Variants in GPC3 observed in about 807,000 individuals in gnomAD.
GPC3 encodes glypican 3.
Under a neutral mutation model 34.4 loss-of-function variants are expected in GPC3, and 3 were observed. The ratio of observed to expected loss-of-function variants is 0.09; its 90% CI spans 0.04 to 0.23. The LOEUF (loss-of-function observed/expected upper bound fraction) is 0.23, where lower values mean the gene tolerates loss of function less well. Ranked by LOEUF, GPC3 falls within the 10% of genes least tolerant of loss-of-function variation. The pLI, the probability that GPC3 is intolerant of heterozygous loss-of-function variation, is 1.00. For synonymous variants in GPC3, 177 were observed against 174.0 expected (o/e 1.02, Z -0.13); for missense variants, 351 against 445.6 (o/e 0.79, Z 1.91).
At chrX:133,746,361 C>T (rs1392930719) in intron 3 of GPC3, among the ~76,000 whole-genome samples, 4 of 112,157 alleles carry the variant, frequency 3.6e-5, no homozygotes, top group Non-Finnish European at 7.5e-5. Flanking sequence ...AAGGCAAGGG[C>T]AAGCAATTCT....
chrX:133,801,256 T>A (rs1039439796), intron 2 of GPC3, among the ~76,000 whole-genome samples: 1 of 111,168 alleles, frequency 9.0e-6, no homozygotes, highest in African/African-American at 3.3e-5. Context: ...GAAACAGCCA[T>A]AGAAATTAGA....
intron 7 of GPC3, among the ~76,000 whole-genome samples, chrX:133,582,359 G>C (rs1038593443): frequency 1.8e-5 from 2 of 111,721 alleles, no homozygotes; most frequent in East Asian, 5.6e-4. Context: ...GCCAGCTCTA[G>C]TACACCACTG....
At chrX:133,853,881 C>T (rs1569445399) in intron 2 of GPC3, among the ~76,000 whole-genome samples, 1 of 111,810 alleles carries the variant, frequency 8.9e-6, no homozygotes, top group East Asian at 2.8e-4. Flanking sequence ...ACACTCCTCT[C>T]AGTCCTAGCT....
intron 2 of GPC3, among the ~76,000 whole-genome samples, chrX:133,857,409 T>C (rs1355413486): frequency 1.8e-5 from 2 of 112,294 alleles, no homozygotes; most frequent in Non-Finnish European, 3.8e-5. Context: ...ACTACCTATA[T>C]AAATTTCATG....
intron 5 of GPC3, among the ~76,000 whole-genome samples, chrX:133,678,249 T>A (rs1433950726): frequency 8.9e-6 from 1 of 112,160 alleles, no homozygotes; most frequent in Non-Finnish European, 1.9e-5. Context: ...GTTATTACTA[T>A]TATTAGCCAC....
At chrX:133,592,824 C>T (rs374917015) in intron 7 of GPC3, among the ~76,000 whole-genome samples, 4 of 111,485 alleles carry the variant, frequency 3.6e-5, no homozygotes, top group Admixed American at 1.9e-4. Flanking sequence ...GTTATGATCC[C>T]CATTTAATGG....
Position 133,941,417 on chromosome X carries a change from G to C in GPC3, c.337+11633C>G, listed in dbSNP as rs1180787692. On this transcript the variant is annotated intron_variant, in intron 2 of 7. Coordinates refer to ENST00000370818, the MANE Select transcript of GPC3 (RefSeq NM_004484.4). Reference sequence around the variant, plus strand: ...AAGGTTTCAGATCCAGAGGAAGAAAGGCAATTCTGATATAGTACAGACTGA... The same window carrying C: ...AAGGTTTCAGATCCAGAGGAAGAAACGCAATTCTGATATAGTACAGACTGA... Among the ~76,000 whole-genome samples the C allele has an allele frequency of 6.2e-5, 7 of 112,589 alleles. 1 individual carries two copies. The highest frequency in any genetic ancestry group is 1.3e-4 in the Non-Finnish European group (7 of 53,334).
chrX:133,796,268 C>G (rs979502396), intron 2 of GPC3, among the ~76,000 whole-genome samples: 5 of 112,137 alleles, frequency 4.5e-5, no homozygotes, highest in African/African-American at 1.6e-4. Context: ...CAACACACAT[C>G]AACGAAATTT....
intron 6 of GPC3, among the ~76,000 whole-genome samples, chrX:133,597,292 C>A (rs1238868486): frequency 9.0e-6 from 1 of 111,723 alleles, no homozygotes; most frequent in Non-Finnish European, 1.9e-5. Flanking sequence ...ACGGGACTCC[C>A]GCCTTTCAAA....
At chrX:133,878,038 TTTAAC>T (rs1250810129) in intron 2 of GPC3, among the ~76,000 whole-genome samples, 2 of 112,264 alleles carry the variant, frequency 1.8e-5, no homozygotes, top group Non-Finnish European at 3.8e-5. Context: ...AAAAAAGAAT[TTTAAC>T]TTACTTTTTT....
chrX:133,602,410 G>A (rs1401657766), intron 6 of GPC3, among the ~76,000 whole-genome samples: 1 of 111,429 alleles, frequency 9.0e-6, no homozygotes, highest in Non-Finnish European at 1.9e-5. Flanking sequence ...CAGATCAGTG[G>A]CAGCATTAGA....
chrX:133,633,282 A>G lies in GPC3; in HGVS notation c.1413+28448T>C, dbSNP rs146578950. 9.0e-3 allele frequency among the ~76,000 whole-genome samples: 1,006 copies of G among 112,184 alleles called. 15 individuals carry two copies. The highest frequency in any genetic ancestry group is 0.029 in the African/African-American group (909 of 30,890). On this transcript the variant is annotated intron_variant, in intron 6 of 7. Coordinates refer to ENST00000370818, the MANE Select transcript of GPC3 (RefSeq NM_004484.4). ...ATCTCCAATCAGAATATGCCATCTC[A>G]TCTATTAGATTTCCTTCTCTCAACA... is the stretch of plus-strand genomic sequence containing the variant.
At chrX:133,620,219 C>CAG (rs2070217431) in intron 6 of GPC3, among the ~76,000 whole-genome samples, 1 of 41,927 alleles carries the variant, frequency 2.4e-5, no homozygotes, top group Non-Finnish European at 4.7e-5. Context: ...GACTCTGTCT[C>CAG]AAAAAAAAAA....
At chrX:133,694,749 T>TA (rs1176686903) in intron 4 of GPC3, among the ~76,000 whole-genome samples, 18 of 98,182 alleles carry the variant, frequency 1.8e-4, no homozygotes, top group South Asian at 5.1e-4. Context: ...CCATAGAAGT[T>TA]AAAAAAAAAA....
intron 2 of GPC3, among the ~76,000 whole-genome samples, chrX:133,886,287 C>T (rs6634942): frequency 1.9e-5 from 2 of 106,269 alleles, no homozygotes; most frequent in African/African-American, 3.4e-5. Context: ...GGTGGGAAGG[C>T]TGCTTGAGCC....
chrX:133,641,127 T>C, intron 6 of GPC3, among the ~76,000 whole-genome samples: 1 of 110,089 alleles, frequency 9.1e-6, no homozygotes. Context: ...TAGTAAATTT[T>C]AAAAAAATTC....
At chrX:133,885,358 A>G (rs1432137925) in intron 2 of GPC3, among the ~76,000 whole-genome samples, 1 of 111,793 alleles carries the variant, frequency 8.9e-6, no homozygotes, top group African/African-American at 3.2e-5. Flanking sequence ...TCCCTTATAT[A>G]TGATCCTCAA....
chrX:133,677,043 T>C (rs182126967), intron 5 of GPC3, among the ~76,000 whole-genome samples: 1 of 111,882 alleles, frequency 8.9e-6, no homozygotes, highest in African/African-American at 3.3e-5. Flanking sequence ...GCAACAGACA[T>C]TGAATTCCAT....
chrX:133,547,787 C>CA (rs2069399049), intron 7 of GPC3, among the ~76,000 whole-genome samples: 1 of 110,610 alleles, frequency 9.0e-6, no homozygotes, highest in Non-Finnish European at 1.9e-5. Flanking sequence ...CCTCCTTCCT[C>CA]AGCCTATAGG....
Sources: gnomAD v4.1 joint callset for allele counts (sites outside exome capture counted in the v4.1 genomes callset) on GRCh38, gnomAD v4.1.1 for gene constraint, MANE v1.5 for transcripts, NCBI Gene and HGNC (gene_info 2026-07-23, HGNC 2026-07-21) for gene names.